The following ADD3 variants were observed in gnomAD, a reference collection of about 807,000 sequenced individuals.
The protein encoded by ADD3 is adducin 3.
A neutral mutation model predicts 80.2 loss-of-function variants in ADD3; 25 were observed. The observed-to-expected ratio is 0.31, with a 90% CI of 0.23 to 0.44. ADD3 has a LOEUF of 0.44. Among genes scored for constraint, ADD3 ranks in the 20% least tolerant of loss-of-function variants. The pLI is 1.00. For missense variants in ADD3, 829 were observed against 847.5 expected, an observed-to-expected ratio of 0.98 and a Z score of 0.27; for synonymous variants, 284 against 289.6, an observed-to-expected ratio of 0.98 and a Z score of 0.20.
chr10:110,130,187 A>G (rs1214952545), intron 12 of ADD3, among the ~76,000 whole-genome samples, 176 bp from the exon 13 acceptor site: 1 of 152,220 alleles, frequency 6.6e-6, no homozygotes, highest in Non-Finnish European at 1.5e-5. Context: ...GTTTAAGGGC[A>G]TCAATCTTAC....
At chr10:110,015,031 G>A (rs533028640) in intron 1 of ADD3, among the ~76,000 whole-genome samples, 47 of 151,940 alleles carry the variant, frequency 3.1e-4, no homozygotes, top group African/African-American at 1.1e-3. Context: ...GGGCCACCAC[G>A]CCTGGCTAAT....
chr10:110,019,545 G>A (rs1020385108), intron 1 of ADD3, among the ~76,000 whole-genome samples: 1 of 152,024 alleles, frequency 6.6e-6, no homozygotes, highest in East Asian at 1.9e-4. Flanking sequence ...TAGTGGAGAC[G>A]GGTTTTCACC....
chr10:110,039,195 C>T (rs1231254203), intron 1 of ADD3, among the ~76,000 whole-genome samples: 1 of 152,086 alleles, frequency 6.6e-6, no homozygotes, highest in Non-Finnish European at 1.5e-5. Flanking sequence ...CTTCTCCTTC[C>T]AGAGTAATCA....
intron 1 of ADD3, among the ~76,000 whole-genome samples, chr10:110,051,212 C>T (rs1345032500): frequency 6.6e-6 from 1 of 151,996 alleles, no homozygotes; most frequent in Non-Finnish European, 1.5e-5. Context: ...TTAGAAGAAA[C>T]CAGAGGGAAA....
intron 1 of ADD3, among the ~76,000 whole-genome samples, chr10:110,062,502 C>T (rs1038709630): frequency 6.6e-6 from 1 of 151,922 alleles, no homozygotes. Context: ...ATTGCTTGAG[C>T]CCAGGAGGTC....
chr10:110,003,302 G>GGTGTGTGTGTGTGTGTGTGT (rs1554893815), upstream of ADD3, among the ~76,000 whole-genome samples: 1,993 of 146,970 alleles, frequency 0.014, 60 homozygotes, highest in African/African-American at 0.047. Flanking sequence ...GAACAGTAAG[G>GGTGTGTGTGTGTGTGTGTGT]GTGTGTGTGT....
chr10:110,013,520 A>T (rs1852572859), intron 1 of ADD3, among the ~76,000 whole-genome samples: 1 of 152,200 alleles, frequency 6.6e-6, no homozygotes, highest in Non-Finnish European at 1.5e-5. Flanking sequence ...ACTTCTGAGA[A>T]ATTTAAGGAC....
In ADD3 at chr10:110,088,078, A is replaced by G. The variant is rs369076572; in HGVS notation, c.-29-12547A>G. 3.2e-4 allele frequency among the ~76,000 whole-genome samples: 49 copies of G among 152,212 alleles called. 1 individual carries two copies. Among genetic ancestry groups the G allele is most frequent in the East Asian group, 2.5e-3 (13 of 5,182 alleles). ...GTGTCTTTTTTGTTACTTGGTGTCC[A>G]AATCTCTCTCACTTTCCTCTTATAA... On this transcript the variant is annotated intron_variant, in intron 1 of 14. Coordinates refer to ENST00000356080, the MANE Select transcript of ADD3 (RefSeq NM_016824.5).
chr10:110,050,133 T>G (rs920570223), intron 1 of ADD3, among the ~76,000 whole-genome samples: 8 of 152,108 alleles, frequency 5.3e-5, no homozygotes, highest in Non-Finnish European at 1.0e-4. Context: ...TGAAATGAGT[T>G]AAGACTTTGG....
At chr10:110,069,824 T>G (rs1207091886) in intron 1 of ADD3, among the ~76,000 whole-genome samples, 3 of 152,210 alleles carry the variant, frequency 2.0e-5, no homozygotes, top group African/African-American at 7.2e-5. Flanking sequence ...TAAAAAAGAA[T>G]ATAAATGGCT....
upstream of ADD3, among the ~76,000 whole-genome samples, chr10:110,004,340 CT>C (rs1198664958): frequency 2.0e-5 from 3 of 151,822 alleles, no homozygotes; most frequent in Admixed American, 2.0e-4. Flanking sequence ...CGAGACCATC[CT>C]GGCTAACACT....
At chr10:110,039,887 T>TC (rs1251284065) in intron 1 of ADD3, among the ~76,000 whole-genome samples, 1 of 152,212 alleles carries the variant, frequency 6.6e-6, no homozygotes, top group Non-Finnish European at 1.5e-5. Flanking sequence ...TAAGCAAGCC[T>TC]CATCACAGGG....
chr10:110,024,470 TC>T (rs1373503152), intron 1 of ADD3, among the ~76,000 whole-genome samples: 2 of 152,238 alleles, frequency 1.3e-5, no homozygotes, highest in Non-Finnish European at 2.9e-5. Flanking sequence ...ATGATTTGGC[TC>T]CTCTAGTAGC....
In ADD3 at chr10:110,112,770, A is replaced by AT; in HGVS notation, c.196-5dup. 1 of 1,610,728 alleles carries AT rather than the reference A, an allele frequency of 6.2e-7. No homozygotes were observed. The highest frequency in any genetic ancestry group is 8.5e-7 in the Non-Finnish European group (1 of 1,178,720). On this transcript the variant is annotated splice_region_variant and splice_polypyrimidine_tract_variant and intron_variant, in intron 2 of 14. Coordinates refer to ENST00000356080, the MANE Select transcript of ADD3 (RefSeq NM_016824.5). The stretch of plus-strand genomic sequence containing the variant: ...GCTTGCTCAGTCTTTATTTTTGTGT[A>AT]TTACAGGCCTTTCGGGAAGACTTGG...
chr10:110,098,662 C>T (rs1174839275), intron 1 of ADD3, among the ~76,000 whole-genome samples: 4 of 151,644 alleles, frequency 2.6e-5, no homozygotes, highest in Admixed American at 2.0e-4. Flanking sequence ...TGGAGTCTCA[C>T]TCTGTTGCCC....
At chr10:110,087,048 A>G (rs904384361) in intron 1 of ADD3, among the ~76,000 whole-genome samples, 4 of 151,368 alleles carry the variant, frequency 2.6e-5, no homozygotes, top group Non-Finnish European at 5.9e-5. Flanking sequence ...TTTTTTTGAG[A>G]CTGAGTCTGG....
intron 1 of ADD3, among the ~76,000 whole-genome samples, chr10:110,008,561 C>T (rs1222128455): frequency 1.3e-5 from 2 of 152,124 alleles, no homozygotes; most frequent in African/African-American, 4.8e-5. Context: ...CGGTGCACGG[C>T]CTGCGGCGCC....
chr10:110,094,310 T>TA (rs1436597548), intron 1 of ADD3, among the ~76,000 whole-genome samples: 1 of 152,198 alleles, frequency 6.6e-6, no homozygotes, highest in Non-Finnish European at 1.5e-5. Context: ...ACATCATTAT[T>TA]ATGATTTTAT....
At position 110,100,835 on chromosome 10, in the gene ADD3, T is replaced by A; in HGVS notation, c.182T>A (p.Ile61Asn). 6.2e-7 allele frequency: 1 copy of A among 1,602,798 alleles called. No individual in the cohort carries two copies. The highest frequency in any genetic ancestry group is 8.5e-7 in the Non-Finnish European group (1 of 1,175,348). Residue 61 changes from isoleucine (I) to asparagine (N), a missense_variant, in exon 2 of 15, where the codon ATC becomes AAC. Physicochemically the swap from Ile to Asn is moderately radical, Grantham distance 149. Transcript: ENST00000356080. ...MMEQRKRVTQ[I>N]LQSPAFREDL... ...GAGCAGAGGAAACGAGTTACTCAGA[T>A]CCTGCAAAGTCCTGTGAGTTGAATT...
Sources: allele counts gnomAD v4.1 joint callset (sites outside exome capture counted in the v4.1 genomes callset), GRCh38; gene constraint gnomAD v4.1.1; transcripts MANE v1.5; gene names NCBI Gene and HGNC (gene_info 2026-07-23, HGNC 2026-07-21).